Variants in NOX4 observed in about 807,000 individuals in gnomAD.
NOX4 encodes the protein NADPH oxidase 4, also known as kidney oxidase-1.
In NOX4, 69 loss-of-function variants were observed where a neutral mutation model predicts 87.6. The observed-to-expected ratio is 0.79, with a 90% CI of 0.65 to 0.96. The LOEUF is 0.96. Among genes scored for constraint, NOX4 ranks in the 40% least tolerant of loss-of-function variants. The pLI is 0.00. For synonymous variants in NOX4, 275 were observed against 238.2 expected (o/e 1.15, Z -1.42); for missense variants, 680 against 681.5 (o/e 1.00, Z 0.02).
At chr11:89,434,138 G>A (rs1387962833) in intron 6 of NOX4, among the ~76,000 whole-genome samples, 1 of 152,044 alleles carries the variant, frequency 6.6e-6, no homozygotes, top group Non-Finnish European at 1.5e-5. Context: ...TGAGCCACCA[G>A]CAGAAGCAGA....
At chr11:89,403,769 T>C (rs367661799) in intron 8 of NOX4, among the ~76,000 whole-genome samples, 1 of 152,116 alleles carries the variant, frequency 6.6e-6, no homozygotes, top group Admixed American at 6.6e-5. Context: ...ACAGCTATGA[T>C]GCTTTTACAA....
chr11:89,538,720 A>AT, the NOX4 span, among the ~76,000 whole-genome samples: 1,460 of 148,192 alleles, frequency 9.9e-3, 24 homozygotes, highest in African/African-American at 0.032. Flanking sequence ...ACACCCCACT[A>AT]TTTTTTTTTT....
At chr11:89,551,502 T>C in the NOX4 span, among the ~76,000 whole-genome samples, 1 of 152,188 alleles carries the variant, frequency 6.6e-6, no homozygotes, top group African/African-American at 2.4e-5. Context: ...TAGTTCTCCT[T>C]GAAGAGGTCC....
At chr11:89,574,406 G>A in the NOX4 span, among the ~76,000 whole-genome samples, 1 of 152,136 alleles carries the variant, frequency 6.6e-6, no homozygotes, top group Non-Finnish European at 1.5e-5. Context: ...AGAGCAGAAG[G>A]ATTCCAAAAA....
intron 11 of NOX4, among the ~76,000 whole-genome samples, chr11:89,377,698 A>G (rs192977089): frequency 5.4e-4 from 82 of 152,286 alleles, no homozygotes; most frequent in African/African-American, 1.9e-3. Flanking sequence ...GTTTGTAAAG[A>G]AGCGCCTTTT....
At chr11:89,586,677 G>T in the NOX4 span, among the ~76,000 whole-genome samples, 13 of 152,086 alleles carry the variant, frequency 8.5e-5, no homozygotes, top group Non-Finnish European at 1.3e-4. Flanking sequence ...TAATAATAAA[G>T]AAATGTTCAA....
the NOX4 span, among the ~76,000 whole-genome samples, chr11:89,547,824 C>T: frequency 2.1e-3 from 319 of 152,082 alleles, 3 homozygotes; most frequent in Non-Finnish European, 3.1e-3. Context: ...TGAGAATCAG[C>T]GCTGGGAACG....
At position 89,325,574 on chromosome 11, in the gene NOX4, T is replaced by C. The variant is rs1205871813; in HGVS notation, c.*1182A>G. On this transcript the variant is annotated 3_prime_UTR_variant, in exon 18 of 18. Transcript: ENST00000263317. ...AGGATACCAAAAAGTGCGACAGTAA[T>C]ATTCTGGATTCTAAACTTAAGTTTG... 2.0e-5 allele frequency: 3 copies of C among 152,182 alleles called. No individual in the cohort carries two copies. The highest frequency in any genetic ancestry group is 7.2e-5 in the African/African-American group (3 of 41,446). The allele number at this position is 152,182 out of a possible 1,614,324, so 9.4% of individuals were successfully genotyped here. A position where few individuals can be genotyped will look rare whatever the true frequency, so the allele number is the denominator to read the frequency against.
chr11:89,427,907 C>T (rs12421794), intron 7 of NOX4, among the ~76,000 whole-genome samples: 13,879 of 152,070 alleles, frequency 0.091, 796 homozygotes, highest in South Asian at 0.2. Flanking sequence ...AACTCAAAGA[C>T]ACATAATTGT....
intron 11 of NOX4, among the ~76,000 whole-genome samples, chr11:89,390,119 C>T (rs1941026963): frequency 6.6e-6 from 1 of 152,108 alleles, no homozygotes. Flanking sequence ...TGAAAGCATG[C>T]ATTTTACATT....
intron 13 of NOX4, among the ~76,000 whole-genome samples, chr11:89,349,039 A>C (rs995523770): frequency 6.6e-6 from 1 of 152,204 alleles, no homozygotes; most frequent in African/African-American, 2.4e-5. Flanking sequence ...CTGTAATCCC[A>C]GCATTTTGGG....
At chr11:89,448,416 C>T (rs1565306506) in intron 4 of NOX4, among the ~76,000 whole-genome samples, 1 of 151,994 alleles carries the variant, frequency 6.6e-6, no homozygotes, top group South Asian at 2.1e-4. Context: ...TTTAAAAAGG[C>T]TTATAATAGC....
the NOX4 span, among the ~76,000 whole-genome samples, chr11:89,559,775 G>A: frequency 6.6e-6 from 1 of 152,106 alleles, no homozygotes; most frequent in Non-Finnish European, 1.5e-5. Flanking sequence ...CTCAGGAGCT[G>A]GTGTGAGATG....
chr11:89,487,800 CTT>C (rs1946691125), intron 2 of NOX4, among the ~76,000 whole-genome samples: 1 of 152,128 alleles, frequency 6.6e-6, no homozygotes, highest in South Asian at 2.1e-4. Context: ...AATTCTATCT[CTT>C]TGTTATACTG....
At chr11:89,500,298 G>T (rs561856171), upstream of NOX4, among the ~76,000 whole-genome samples, 41 of 152,192 alleles carry the variant, frequency 2.7e-4, no homozygotes, top group African/African-American at 9.9e-4. Context: ...GTCTCCTACA[G>T]AAGGCAGCAT....
Position 89,402,306 on chromosome 11 carries a change from A to G in NOX4, c.846+20T>C. The G allele has an allele frequency of 1.3e-6, 2 of 1,584,368 alleles. No homozygotes were observed. The highest frequency in any genetic ancestry group is 1.7e-6 in the Non-Finnish European group (2 of 1,153,456). ...AATGGAAACAAACTTTGTGGAGATC[A>G]AACACAAAATTAATCTGACCTGTGG... On this transcript the variant is annotated intron_variant, in intron 9 of 17. Coordinates refer to ENST00000263317, the MANE Select transcript of NOX4 (RefSeq NM_016931.5).
At chr11:89,434,113 G>A (rs1412326175) in intron 6 of NOX4, among the ~76,000 whole-genome samples, 1 of 151,992 alleles carries the variant, frequency 6.6e-6, no homozygotes. Context: ...GAAATAGAAG[G>A]TCTGTCATAG....
the NOX4 span, among the ~76,000 whole-genome samples, chr11:89,505,553 G>T: frequency 6.6e-6 from 1 of 151,648 alleles, no homozygotes; most frequent in Non-Finnish European, 1.5e-5. Context: ...GTATGGGAGA[G>T]GTCTCTGAAA....
At chr11:89,546,280 G>T in the NOX4 span, among the ~76,000 whole-genome samples, 1 of 152,094 alleles carries the variant, frequency 6.6e-6, no homozygotes, top group Admixed American at 6.5e-5. Flanking sequence ...AAAAAGACAT[G>T]TTTCCAGTTC....
Sources: gnomAD v4.1 joint callset for allele counts (sites outside exome capture counted in the v4.1 genomes callset) on GRCh38, gnomAD v4.1.1 for gene constraint, MANE v1.5 for transcripts, NCBI Gene and HGNC (gene_info 2026-07-23, HGNC 2026-07-21) for gene names.